OR14I1: variants seen among roughly 807,000 people sequenced by gnomAD.
OR14I1 encodes the protein olfactory receptor family 14 subfamily I member 1.
For missense variants in OR14I1, 279 were observed against 181.8 expected (o/e 1.53, Z -3.07); for synonymous variants, 118 against 71.1 (o/e 1.66, Z -3.32).
At chr1:248,701,733 G>A in the OR14I1 span, among the ~76,000 whole-genome samples, 1 of 152,182 alleles carries the variant, frequency 6.6e-6, no homozygotes, top group African/African-American at 2.4e-5. Context: ...AGATGACAGA[G>A]TAGGACATAC....
At chr1:248,693,674 A>G in the OR14I1 span, among the ~76,000 whole-genome samples, 2 of 152,064 alleles carry the variant, frequency 1.3e-5, no homozygotes, top group Non-Finnish European at 2.9e-5. Context: ...CCAATCTTCA[A>G]GTTCTCTTCT....
the OR14I1 span, among the ~76,000 whole-genome samples, chr1:248,698,022 C>T: frequency 1.3e-5 from 2 of 152,120 alleles, no homozygotes; most frequent in Non-Finnish European, 2.9e-5. Context: ...TGGAATAGCA[C>T]GAAATGCAGT....
chr1:248,678,483 G>T (rs920550745), downstream of OR14I1, among the ~76,000 whole-genome samples: 2 of 152,174 alleles, frequency 1.3e-5, no homozygotes, highest in African/African-American at 4.8e-5. Context: ...GGAAAAATCT[G>T]TAACTACTTG....
upstream of OR14I1, among the ~76,000 whole-genome samples, chr1:248,685,442 G>C (rs1256324481): frequency 6.6e-6 from 1 of 152,060 alleles, no homozygotes; most frequent in African/African-American, 2.4e-5. Flanking sequence ...CAAGGCAAAA[G>C]GTTACCCACC....
chr1:248,693,726 T>C, the OR14I1 span, among the ~76,000 whole-genome samples: 18,599 of 150,466 alleles, frequency 0.12, 1,171 homozygotes, highest in East Asian at 0.17. Context: ...TCCTATCTTA[T>C]CTCCTCTAGA....
downstream of OR14I1, among the ~76,000 whole-genome samples, chr1:248,679,677 C>G (rs1278079291): frequency 1.4e-4 from 21 of 152,086 alleles, no homozygotes; most frequent in Admixed American, 1.2e-3. Context: ...TCATTTGAGC[C>G]TTATCAGGTA....
chr1:248,684,831 G>A (rs74154543), upstream of OR14I1, among the ~76,000 whole-genome samples: 22,550 of 134,192 alleles, frequency 0.17, 1,763 homozygotes, highest in South Asian at 0.2. Flanking sequence ...GAATACAAAT[G>A]CCAATAAATG....
chr1:248,681,856 C>T, exon 1 of OR14I1: 1 of 781,060 alleles, frequency 1.3e-6, no homozygotes, highest in Non-Finnish European at 2.4e-6. Context: ...GTAGGAAAAG[C>T]AGCTTAGCCA....
At chr1:248,683,902 C>G (rs1218646083), upstream of OR14I1, among the ~76,000 whole-genome samples, 2 of 152,164 alleles carry the variant, frequency 1.3e-5, no homozygotes, top group Non-Finnish European at 2.9e-5. Context: ...CGTGGTGGCA[C>G]ATGCCTGTAA....
the OR14I1 span, among the ~76,000 whole-genome samples, chr1:248,688,302 C>T: frequency 2.0e-5 from 3 of 152,224 alleles, no homozygotes; most frequent in Admixed American, 6.5e-5. Context: ...TTTAAGCCAA[C>T]GCTTTCTTCC....
upstream of OR14I1, among the ~76,000 whole-genome samples, chr1:248,683,071 T>G (rs1010337158): frequency 2.6e-5 from 4 of 152,164 alleles, no homozygotes; most frequent in African/African-American, 2.4e-5. Flanking sequence ...ATGCCGTTAT[T>G]ATTCTTTTTC....
chr1:248,690,653 C>T, the OR14I1 span, among the ~76,000 whole-genome samples: 1 of 106,122 alleles, frequency 9.4e-6, no homozygotes, highest in East Asian at 3.0e-4. Context: ...CACAGAGGTA[C>T]AAAGACTAGC....
downstream of OR14I1, among the ~76,000 whole-genome samples, chr1:248,680,648 T>A (rs1558189430): frequency 1.3e-5 from 2 of 152,100 alleles, no homozygotes; most frequent in Non-Finnish European, 2.9e-5. Context: ...AGGAAAGAGC[T>A]CTGTATGTAT....
chr1:248,699,086 A>C, the OR14I1 span: 1 of 152,202 alleles, frequency 6.6e-6, no homozygotes, highest in East Asian at 1.9e-4. Context: ...TCCATTTATG[A>C]ATTAAACCTG....
exon 1 of OR14I1, chr1:248,682,245 C>T (rs373357069): frequency 1.3e-4 from 103 of 773,002 alleles, no homozygotes; most frequent in Non-Finnish European, 2.2e-4. Context: ...GCACCTGCAG[C>T]TCCCAGATAC....
upstream of OR14I1, chr1:248,682,456 G>A (rs1218344809): frequency 3.7e-6 from 2 of 545,292 alleles, no homozygotes; most frequent in Non-Finnish European, 6.4e-6. Flanking sequence ...CAAATAAAAT[G>A]GTGGGAGATT....
At chr1:248,691,561 T>A in the OR14I1 span, among the ~76,000 whole-genome samples, 1 of 152,192 alleles carries the variant, frequency 6.6e-6, no homozygotes, top group Middle Eastern at 3.2e-3. Flanking sequence ...AAACAGACAT[T>A]CCAGCTCCTC....
At chr1:248,698,154 T>A in the OR14I1 span, among the ~76,000 whole-genome samples, 2 of 152,220 alleles carry the variant, frequency 1.3e-5, no homozygotes, top group Non-Finnish European at 2.9e-5. Context: ...ATTAGAAGGC[T>A]AACCATGTTG....
chr1:248,679,335 G>A (rs1179902342), downstream of OR14I1, among the ~76,000 whole-genome samples: 4 of 151,898 alleles, frequency 2.6e-5, no homozygotes, highest in African/African-American at 9.7e-5. Context: ...TGATTGGGAG[G>A]AGTGGCAAGA....
Sources: gnomAD v4.1 joint callset for allele counts (sites outside exome capture counted in the v4.1 genomes callset) on GRCh38, gnomAD v4.1.1 for gene constraint, MANE v1.5 for transcripts, NCBI Gene and HGNC (gene_info 2026-07-23, HGNC 2026-07-21) for gene names.